The following CLSTN2 variants were observed in gnomAD, a reference collection of about 807,000 sequenced individuals.
The protein encoded by CLSTN2 is calsyntenin-2.
In CLSTN2, 48 loss-of-function variants were observed where a neutral mutation model predicts 101.2. The observed-to-expected ratio is 0.47, with a 90% CI of 0.38 to 0.60. The LOEUF is 0.60. Ranked by LOEUF, CLSTN2 falls within the 20% of genes least tolerant of loss-of-function variation. The probability of loss-of-function intolerance (pLI) is 0.00; values close to 1 mark genes in which losing one functional copy is unlikely to be tolerated. For synonymous variants in CLSTN2, 481 were observed against 463.6 expected (o/e 1.04, Z -0.48); for missense variants, 1,160 against 1,238.2 (o/e 0.94, Z 0.95).
chr3:140,248,558 A>G (rs1223286144), intron 2 of CLSTN2, among the ~76,000 whole-genome samples: 1 of 152,152 alleles, frequency 6.6e-6, no homozygotes, highest in Non-Finnish European at 1.5e-5. Context: ...TAGGAAGACA[A>G]TCGTTGGCAG....
intron 6 of CLSTN2, among the ~76,000 whole-genome samples, chr3:140,452,253 A>C (rs1933269739): frequency 6.6e-6 from 1 of 151,752 alleles, no homozygotes; most frequent in Non-Finnish European, 1.5e-5. Flanking sequence ...ACTACAGCAC[A>C]TTTCGCCCTG....
chr3:140,561,672 T>C (rs1318409823), intron 12 of CLSTN2, among the ~76,000 whole-genome samples: 1 of 152,124 alleles, frequency 6.6e-6, no homozygotes, highest in East Asian at 1.9e-4. Flanking sequence ...TCTCAGGTGG[T>C]CAGGGAGACT....
At chr3:140,046,152 CTCT>C (rs1175989204) in intron 1 of CLSTN2, among the ~76,000 whole-genome samples, 4 of 152,146 alleles carry the variant, frequency 2.6e-5, no homozygotes, top group African/African-American at 9.7e-5. Context: ...GAGTCTAAGT[CTCT>C]TTGTAGGTCT....
chr3:140,203,742 G>A (rs1327219406), intron 2 of CLSTN2, among the ~76,000 whole-genome samples: 1 of 152,208 alleles, frequency 6.6e-6, no homozygotes, highest in Non-Finnish European at 1.5e-5. Context: ...TCTCCTGGCA[G>A]TGCTTGTTTT....
chr3:140,360,952 C>A (rs2087724374), intron 2 of CLSTN2, among the ~76,000 whole-genome samples: 1 of 152,118 alleles, frequency 6.6e-6, no homozygotes, highest in African/African-American at 2.4e-5. Context: ...TAATGCAAAT[C>A]TTTTACAAAC....
chr3:140,463,323 G>A (rs1933608567), intron 7 of CLSTN2, among the ~76,000 whole-genome samples: 1 of 152,204 alleles, frequency 6.6e-6, no homozygotes, highest in Non-Finnish European at 1.5e-5. Flanking sequence ...CTTCCCTACA[G>A]GGCTTTCTAA....
Position 140,421,155 on chromosome 3 carries a change from A to G in CLSTN2, c.668A>G (p.Tyr223Cys), listed in dbSNP as rs1206657797. 6.2e-7 allele frequency: 1 copy of G among 1,614,176 alleles called. No homozygotes were observed. The highest frequency in any genetic ancestry group is 8.5e-7 in the Non-Finnish European group (1 of 1,180,008). ...ATCAGGAACACTGAGAAGCTGAGCT[A>G]TGACAAACAACACCAGTATGAGATC... ...GNIRNTEKLSYDKQHQYEILV... is the reference protein window; with the variant it reads ...GNIRNTEKLSCDKQHQYEILV... Residue 223 changes from tyrosine (Y) to cysteine (C), a missense_variant, in exon 5 of 17, where the codon TAT becomes TGT. Physicochemically the swap from Tyr to Cys is radical, Grantham distance 194. Transcript: ENST00000458420.
At chr3:140,383,132 C>T (rs1300323883) in intron 2 of CLSTN2, among the ~76,000 whole-genome samples, 1 of 152,074 alleles carries the variant, frequency 6.6e-6, no homozygotes, top group African/African-American at 2.4e-5. Context: ...ACTTTATTAC[C>T]TAAGGAGGAG....
In CLSTN2 at chr3:140,462,499, A is replaced by C. The variant is rs547596374; in HGVS notation, c.1222+2730A>C. Among the ~76,000 whole-genome samples the C allele has an allele frequency of 2.6e-4, 39 of 152,348 alleles. 1 individual carries two copies. In the South Asian group the frequency reaches 5.2e-3, roughly 20 times the overall value. ...GTTAGGAAAGGAAGCTTTTGCTGTA[A>C]ATTGTCAAATTGCTCTTCATGAAGA... On this transcript the variant is annotated intron_variant, in intron 7 of 16. Transcript: ENST00000458420.
intron 10 of CLSTN2, among the ~76,000 whole-genome samples, chr3:140,547,033 G>A (rs1054512444): frequency 6.6e-6 from 1 of 152,206 alleles, no homozygotes; most frequent in African/African-American, 2.4e-5. Flanking sequence ...AGGAACCAAA[G>A]GATGCAAGGA....
At chr3:140,342,975 C>T (rs2087506809) in intron 2 of CLSTN2, among the ~76,000 whole-genome samples, 1 of 152,180 alleles carries the variant, frequency 6.6e-6, no homozygotes, top group South Asian at 2.1e-4. Context: ...GCTTAGATCT[C>T]ATGTGGCATC....
chr3:140,457,625 A>T (rs1222076989), intron 6 of CLSTN2, among the ~76,000 whole-genome samples: 1 of 152,216 alleles, frequency 6.6e-6, no homozygotes, highest in Admixed American at 6.5e-5. Context: ...TCAATTAAGG[A>T]GTTAGCAGCA....
At chr3:140,227,982 C>T (rs2086338283) in intron 2 of CLSTN2, among the ~76,000 whole-genome samples, 1 of 152,174 alleles carries the variant, frequency 6.6e-6, no homozygotes, top group Admixed American at 6.5e-5. Flanking sequence ...GGAGGGGCTG[C>T]CACAAATGTC....
At position 140,485,061 on chromosome 3, in the gene CLSTN2, G is replaced by C. The variant is rs376283629; in HGVS notation, c.1344+18330G>C. Among the ~76,000 whole-genome samples the C allele has an allele frequency of 1.2e-4, 19 of 152,222 alleles. No individual in the cohort carries two copies. In the East Asian group the frequency reaches 3.3e-3, roughly 26 times the overall value. On this transcript the variant is annotated intron_variant, in intron 8 of 16. Coordinates refer to ENST00000458420, the MANE Select transcript of CLSTN2 (RefSeq NM_022131.3). ...CTGATTTTTAGAGTTTCCAGTTTTT[G>C]TGCTCTGTTTTTCCCCCATCTTTGT...
intron 1 of CLSTN2, among the ~76,000 whole-genome samples, chr3:140,175,464 G>T (rs969038990): frequency 4.6e-5 from 7 of 152,104 alleles, no homozygotes; most frequent in African/African-American, 1.7e-4. Flanking sequence ...TATTTAAAAT[G>T]CAGTAACTTC....
At chr3:140,497,515 G>A (rs1308723241) in intron 8 of CLSTN2, among the ~76,000 whole-genome samples, 1 of 152,118 alleles carries the variant, frequency 6.6e-6, no homozygotes, top group African/African-American at 2.4e-5. Context: ...CAGAAATGGC[G>A]GCCGCCCCCA....
intron 1 of CLSTN2, among the ~76,000 whole-genome samples, chr3:139,936,363 A>T (rs1182244543): frequency 1.3e-5 from 2 of 152,076 alleles, no homozygotes; most frequent in Non-Finnish European, 2.9e-5. Context: ...GCTGGTGGGG[A>T]ACAGTGGTGG....
intron 1 of CLSTN2, among the ~76,000 whole-genome samples, chr3:139,942,851 AC>A (rs759089211): frequency 3.9e-5 from 6 of 152,102 alleles, no homozygotes; most frequent in Non-Finnish European, 7.4e-5. Context: ...TTCTTTCACT[AC>A]TGAGCAGTTT....
At chr3:140,460,889 T>G (rs1933547879) in intron 7 of CLSTN2, 1 of 152,240 alleles carries the variant, frequency 6.6e-6, no homozygotes, top group Non-Finnish European at 1.5e-5. Flanking sequence ...GCCTCTGCTA[T>G]TGGACAGCCA....
Sources: allele counts gnomAD v4.1 joint callset (sites outside exome capture counted in the v4.1 genomes callset), GRCh38; gene constraint gnomAD v4.1.1; transcripts MANE v1.5; gene names NCBI Gene and HGNC (gene_info 2026-07-23, HGNC 2026-07-21).